The following ITSN1 variants were observed in gnomAD, a reference collection of about 807,000 sequenced individuals.
ITSN1 encodes intersectin 1, also known as intersectin-1.
In ITSN1, 58 loss-of-function variants were observed where a neutral mutation model predicts 239.8. That is an observed-to-expected ratio of 0.24 (90% CI 0.20 to 0.30). The LOEUF (loss-of-function observed/expected upper bound fraction) is 0.30. ITSN1 is among the 10% of genes least tolerant of loss of function. The probability of loss-of-function intolerance (pLI) is 1.00; values close to 1 mark genes in which losing one functional copy is unlikely to be tolerated. For missense variants in ITSN1, 1,558 were observed against 2,103.3 expected (o/e 0.74, Z 5.07); for synonymous variants, 780 against 770.8 (o/e 1.01, Z -0.20).
chr21:33,772,346 AC>A (rs2069232554), intron 12 of ITSN1, 23 bp downstream of exon 12: 1 of 1,549,482 alleles, frequency 6.5e-7, no homozygotes, highest in East Asian at 2.4e-5. Context: ...GAGTGGAGCC[AC>A]CCGGAGTTAG....
At chr21:33,710,646 G>A (rs1453811942) in intron 1 of ITSN1, among the ~76,000 whole-genome samples, 1 of 151,736 alleles carries the variant, frequency 6.6e-6, no homozygotes, top group Non-Finnish European at 1.5e-5. Flanking sequence ...TAACGTCTGT[G>A]AGGTTTTGGT....
At chr21:33,807,526 T>C (rs2072552236) in intron 20 of ITSN1, among the ~76,000 whole-genome samples, 1 of 152,152 alleles carries the variant, frequency 6.6e-6, no homozygotes, top group Non-Finnish European at 1.5e-5. Flanking sequence ...TTTGTAGAGA[T>C]GGGGTTTCAC....
intron 20 of ITSN1, among the ~76,000 whole-genome samples, chr21:33,805,897 C>A (rs891156934): frequency 1.4e-5 from 2 of 147,606 alleles, no homozygotes; most frequent in African/African-American, 5.0e-5. Flanking sequence ...TGGTCTCAAT[C>A]TCCTGACCTC....
chr21:33,818,243 G>A (rs1465432968), intron 22 of ITSN1, 24 bp from the exon 23 acceptor site: 4 of 1,596,206 alleles, frequency 2.5e-6, no homozygotes, highest in Non-Finnish European at 3.4e-6. Context: ...ATAACGAGAG[G>A]TCCTTTATGT....
At chr21:33,821,702 TACCAAGTTCAGC>T (rs2073687234) in intron 24 of ITSN1, among the ~76,000 whole-genome samples, 1 of 152,186 alleles carries the variant, frequency 6.6e-6, no homozygotes, top group Admixed American at 6.5e-5. Flanking sequence ...TATACTGCAA[TACCAAGTTCAGC>T]CAGAGTTCAT....
chr21:33,876,026 A>C (rs900075871), intron 34 of ITSN1, among the ~76,000 whole-genome samples: 1 of 150,974 alleles, frequency 6.6e-6, no homozygotes, highest in Non-Finnish European at 1.5e-5. Flanking sequence ...CATTGCCAGA[A>C]GTTCTATTTA....
intron 1 of ITSN1, among the ~76,000 whole-genome samples, chr21:33,682,067 G>A (rs543567574): frequency 8.9e-5 from 13 of 145,320 alleles, no homozygotes; most frequent in African/African-American, 3.0e-4. Context: ...AAAAGATTAT[G>A]TGCTTAAAAA....
Position 33,722,432 on chromosome 21 carries a change from G to T in ITSN1, c.122-156G>T, listed in dbSNP as rs542393917. Reference sequence around the variant, plus strand: ...AGTGCTGATGGATTCTTTTACTGTTGCCTATGGGCTTATCCTTGGACTTTT... The same window carrying T: ...AGTGCTGATGGATTCTTTTACTGTTTCCTATGGGCTTATCCTTGGACTTTT... On this transcript the variant is annotated intron_variant, in intron 3 of 39. Transcript: ENST00000381318. 2.6e-4 allele frequency among the ~76,000 whole-genome samples: 39 copies of T among 152,104 alleles called. No individual in the cohort carries two copies. In the South Asian group the frequency reaches 7.9e-3, roughly 31 times the overall value.
chr21:33,757,322 T>C (rs566593045), intron 8 of ITSN1, among the ~76,000 whole-genome samples: 1 of 152,254 alleles, frequency 6.6e-6, no homozygotes, highest in East Asian at 1.9e-4. Context: ...ACCCAGGCAC[T>C]TGAGCATTTA....
At chr21:33,738,897 C>T (rs760616074) in intron 5 of ITSN1, among the ~76,000 whole-genome samples, 3 of 152,130 alleles carry the variant, frequency 2.0e-5, no homozygotes, top group Admixed American at 6.5e-5. Context: ...TAGGCTCAAG[C>T]GTTCCTCCTG....
chr21:33,674,991 C>T (rs1257184879), intron 1 of ITSN1, among the ~76,000 whole-genome samples: 1 of 152,146 alleles, frequency 6.6e-6, no homozygotes, highest in Non-Finnish European at 1.5e-5. Flanking sequence ...GACACTCACT[C>T]TTTCCAGAAA....
chr21:33,769,662 T>C (rs2068977212), intron 11 of ITSN1, among the ~76,000 whole-genome samples: 1 of 151,828 alleles, frequency 6.6e-6, no homozygotes, highest in African/African-American at 2.4e-5. Context: ...GGGAGACAGA[T>C]CTCTCCTCTC....
intron 11 of ITSN1, 95 bp downstream of exon 11, chr21:33,767,923 A>G: frequency 1.5e-6 from 1 of 671,096 alleles, no homozygotes; most frequent in Non-Finnish European, 2.5e-6. Flanking sequence ...ACATAAATTT[A>G]GTTTTTGACA....
intron 14 of ITSN1, 75 bp downstream of exon 14, chr21:33,775,183 T>G: frequency 6.8e-7 from 1 of 1,480,396 alleles, no homozygotes; most frequent in Non-Finnish European, 9.2e-7. Context: ...ATTTACTTAC[T>G]TATTCAGTAA....
chr21:33,760,729 G>A (rs1233176785), intron 8 of ITSN1, among the ~76,000 whole-genome samples: 1 of 152,174 alleles, frequency 6.6e-6, no homozygotes, highest in Non-Finnish European at 1.5e-5. Context: ...TTTTTGATGA[G>A]GTGACGTTTG....
At chr21:33,798,264 AT>A (rs200619178) in intron 18 of ITSN1, among the ~76,000 whole-genome samples, 242 of 142,212 alleles carry the variant, frequency 1.7e-3, no homozygotes, top group Middle Eastern at 3.6e-3. Context: ...TGCCCAGCTA[AT>A]TTTTTTTTTT....
intron 1 of ITSN1, among the ~76,000 whole-genome samples, chr21:33,646,205 T>C (rs1292790051): frequency 6.6e-6 from 1 of 152,076 alleles, no homozygotes; most frequent in African/African-American, 2.4e-5. Context: ...CTTCTGTAAG[T>C]TTGGTTAGTT....
At chr21:33,717,727 T>TG (rs1569011586) in intron 1 of ITSN1, among the ~76,000 whole-genome samples, 46 of 140,532 alleles carry the variant, frequency 3.3e-4, no homozygotes, top group African/African-American at 8.2e-4. Context: ...AGCTAATTTT[T>TG]TTTGTGTGTG....
chr21:33,840,398 C>G (rs1223177929), intron 29 of ITSN1, among the ~76,000 whole-genome samples: 1 of 151,910 alleles, frequency 6.6e-6, no homozygotes, highest in Non-Finnish European at 1.5e-5. Flanking sequence ...CAGTCTTACT[C>G]TGTCACCCAG....
Sources: gnomAD v4.1 joint callset for allele counts (sites outside exome capture counted in the v4.1 genomes callset) on GRCh38, gnomAD v4.1.1 for gene constraint, MANE v1.5 for transcripts, NCBI Gene and HGNC (gene_info 2026-07-23, HGNC 2026-07-21) for gene names.